The following CCDC61 variants were observed in gnomAD, a reference collection of about 807,000 sequenced individuals.
CCDC61 encodes centrosomal protein CCDC61.
Under a neutral mutation model 63.0 loss-of-function variants are expected in CCDC61, and 55 were observed. That is an observed-to-expected ratio of 0.87 (90% confidence interval 0.70 to 1.09). The LOEUF (loss-of-function observed/expected upper bound fraction) is 1.09. Ranked by LOEUF, CCDC61 falls within the 50% of genes least tolerant of loss-of-function variation. The probability of loss-of-function intolerance (pLI) is 0.00; values close to 1 mark genes in which losing one functional copy is unlikely to be tolerated. For missense variants in CCDC61, 651 were observed against 731.4 expected (o/e 0.89, Z 1.27); for synonymous variants, 270 against 317.0 (o/e 0.85, Z 1.58).
rs966362782 is a variant in CCDC61, at chr19:46,003,473, G to A, written c.203G>A (p.Cys68Tyr). 2 of 1,592,482 alleles carry A rather than the reference G, an allele frequency of 1.3e-6. No individual in the cohort carries two copies. Among genetic ancestry groups the A allele is most frequent in the African/African-American group, 2.7e-5 (2 of 74,148 alleles). Residue 68 changes from cysteine to tyrosine, a missense_variant, in exon 3 of 14, where the codon TGT (cysteine) becomes TAT (tyrosine). Physicochemically the swap from Cys to Tyr is radical, Grantham distance 194. Transcript: ENST00000595358. Reference sequence around the variant, plus strand: ...AACTTCAAACAGTTCAACATCTTCTGTCATATGCTGGAGTCAGCCCTCACT... The same window carrying A: ...AACTTCAAACAGTTCAACATCTTCTATCATATGCTGGAGTCAGCCCTCACT... ...TGNFKQFNIFCHMLESALTQS... is the reference protein window; with the variant it reads ...TGNFKQFNIFYHMLESALTQS...
Position 46,003,066 on chromosome 19 carries a change from G to A in CCDC61, c.48G>A (p.Val16=), listed in dbSNP as rs768794921. The A allele has an allele frequency of 3.6e-5, 57 of 1,602,966 alleles. No homozygotes were observed. The highest frequency in any genetic ancestry group is 4.7e-5 in the Non-Finnish European group (55 of 1,175,122). ...AGGTGGACTACGTCTTCCGGGGTGT[G>A]GAGCATGCCGTGCGGGTGATGGTTT... The part of the protein sequence containing the change: ...GLQVDYVFRG[V]EHAVRVMVSG... The change falls in exon 2 of 14, where the codon GTG becomes GTA. Residue 16 remains valine, a synonymous_variant. Transcript: ENST00000595358.
rs1000946379 is a variant in CCDC61 at position 46,003,480 on chromosome 19, G to C, written c.210G>C (p.Met70Ile). 15 of 1,613,180 alleles carry C rather than the reference G, an allele frequency of 9.3e-6. No homozygotes were observed. The highest frequency in any genetic ancestry group is 1.7e-5 in the Admixed American group (1 of 59,944). ...NFKQFNIFCH[M>I]LESALTQSSE... ...AACAGTTCAACATCTTCTGTCATATGCTGGAGTCAGCCCTCACTCAGGTAG... is the reference window on the plus strand; with the variant it reads ...AACAGTTCAACATCTTCTGTCATATCCTGGAGTCAGCCCTCACTCAGGTAG... The change falls in exon 3 of 14, where the codon ATG becomes ATC. Residue 70 changes from methionine (M) to isoleucine (I), a missense_variant. Physicochemically the swap from Met to Ile is conservative, Grantham distance 10. Coordinates refer to ENST00000595358, the MANE Select transcript of CCDC61 (RefSeq NM_001267723.2).
At position 46,003,151 on chromosome 19, in the gene CCDC61, G is replaced by A. The variant is rs770957740; in HGVS notation, c.133G>A (p.Glu45Lys). 1.1e-5 allele frequency: 17 copies of A among 1,609,198 alleles called. No homozygotes were observed. The Admixed American group carries it at 1.2e-4, about 11-fold the overall frequency. ...DRMTADQWRG[E>K]FDAGFIEDLT... ...GATGACGGCTGACCAGTGGCGGGGCGAGTTCGATGCTGGCTGTGAGTGTGC... is the reference window on the plus strand; with the variant it reads ...GATGACGGCTGACCAGTGGCGGGGCAAGTTCGATGCTGGCTGTGAGTGTGC... The change falls in exon 2 of 14, where the codon GAG (glutamate) becomes AAG (lysine). Residue 45 changes from glutamate (E) to lysine (K), a missense_variant. Physicochemically the swap from Glu to Lys is moderately conservative, Grantham distance 56. Transcript: ENST00000595358.
Position 46,016,889 on chromosome 19 carries a change from C to T in CCDC61, c.1231+56C>T. 3.6e-6 allele frequency: 1 copy of T among 279,736 alleles called. No homozygotes were observed. The highest frequency in any genetic ancestry group is 6.7e-6 in the Non-Finnish European group (1 of 149,712). The allele number at this position is 279,736 out of a possible 1,614,324, so 17.3% of individuals were successfully genotyped here. A position where few individuals can be genotyped will look rare whatever the true frequency, so the allele number is the denominator to read the frequency against. ...CTAGGCGGGACTGGGCGGGGCTGGG[C>T]GGGCTGGGAGGCACTGGGCAGGGCG... On this transcript the variant is annotated intron_variant, in intron 10 of 13. Coordinates refer to ENST00000595358, the MANE Select transcript of CCDC61 (RefSeq NM_001267723.2). The surrounding 1 kb of genome is among the most constrained non-coding windows in gnomAD (Gnocchi z 7.2).
In CCDC61 at chr19:46,017,997, C is replaced by G. The variant is rs943359417; in HGVS notation, c.1369-81C>G. The G allele has an allele frequency of 2.1e-5, 27 of 1,295,168 alleles. 1 individual carries two copies. Among genetic ancestry groups the G allele is most frequent in the Non-Finnish European group, 2.9e-5 (27 of 942,688 alleles). The allele number at this position is 1,295,168 out of a possible 1,614,324, so 80.2% of individuals were successfully genotyped here. ...CTTATTTTTCCCCAAGGTCCTTAGG[C>G]TCAGGATTTCCAGTGGGATTTAGGG... On this transcript the variant is annotated intron_variant, in intron 12 of 13. Coordinates refer to ENST00000595358, the MANE Select transcript of CCDC61 (RefSeq NM_001267723.2).
At position 46,007,813 on chromosome 19, in the gene CCDC61, T is replaced by C. The variant is rs117906925; in HGVS notation, c.390-327T>C. On this transcript the variant is annotated intron_variant, in intron 4 of 13. Coordinates refer to ENST00000595358, the MANE Select transcript of CCDC61 (RefSeq NM_001267723.2). ...AACCAGAATGCCCCGCTGTGGCATC[T>C]GAATTAGGATTGCGTTTGGCTGCAA... Among the ~76,000 whole-genome samples the C allele has an allele frequency of 9.3e-4, 141 of 152,304 alleles. 1 individual carries two copies. The East Asian group carries it at 0.024, about 26-fold the overall frequency.
intron 1 of CCDC61, among the ~76,000 whole-genome samples, chr19:46,002,712 C>T (rs531938657): frequency 3.3e-5 from 5 of 152,114 alleles, no homozygotes; most frequent in South Asian, 4.1e-4. Flanking sequence ...CCACCGCGCC[C>T]GGCTTGGCAA....
At chr19:46,008,092 T>C in intron 4 of CCDC61, 48 bp from the exon 5 acceptor site, 2 of 1,533,024 alleles carry the variant, frequency 1.3e-6, no homozygotes, top group Non-Finnish European at 1.8e-6. Flanking sequence ...TACCCTCAGG[T>C]GCATTCTTGG....
intron 5 of CCDC61, among the ~76,000 whole-genome samples, chr19:46,011,388 C>T (rs1382021743): frequency 6.6e-6 from 1 of 152,182 alleles, no homozygotes; most frequent in Admixed American, 6.5e-5. Flanking sequence ...ATATCCCCCT[C>T]TCCACTTTTC....
At chr19:46,006,897 C>A (rs1276353933) in intron 4 of CCDC61, among the ~76,000 whole-genome samples, 181 bp downstream of exon 4, 2 of 152,198 alleles carry the variant, frequency 1.3e-5, no homozygotes, top group African/African-American at 4.8e-5. Context: ...AGCAGAATAA[C>A]CATCACCAGT....
chr19:46,008,335 T>TGGGGGGGGGGGGG, intron 5 of CCDC61, 34 bp downstream of exon 5: 8 of 499,160 alleles, frequency 1.6e-5, no homozygotes, highest in East Asian at 6.0e-5. Flanking sequence ...CTGGGGCGGG[T>TGGGGGGGGGGGGG]GGGGGCCCTC....
In CCDC61 at chr19:46,015,776, G is replaced by A. The variant is rs79694564; in HGVS notation, c.846-278G>A. ...TTATGGGGTGGGTGGTGGAAAATTG[G>A]AAAGAGTTTCCGGGGAGTTGTGGAA... On this transcript the variant is annotated intron_variant, in intron 7 of 13. Coordinates refer to ENST00000595358, the MANE Select transcript of CCDC61 (RefSeq NM_001267723.2). The surrounding 1 kb of genome is among the most constrained non-coding windows in gnomAD (Gnocchi z 5.3). Among the ~76,000 whole-genome samples, 2,759 of 152,122 alleles carry A rather than the reference G, an allele frequency of 0.018. 91 individuals are homozygous for A. The highest frequency in any genetic ancestry group is 0.063 in the African/African-American group (2,622 of 41,476).
Position 46,016,836 on chromosome 19 carries a change from A to T in CCDC61, c.1231+3A>T. On this transcript the variant is annotated splice_donor_region_variant and intron_variant, in intron 10 of 13. Transcript: ENST00000595358. This position sits in a 1 kb window ranked among gnomAD's most constrained non-coding sequence, Gnocchi z 7.2. ...CTCCCGAAACCGCAGCTCCTCAGGT[A>T]ACTGGCCTGGAGCTGGGGGCTGCCG... is the stretch of plus-strand genomic sequence containing the variant. The T allele has an allele frequency of 6.6e-7, 1 of 1,514,092 alleles. No individual in the cohort carries two copies. The highest frequency in any genetic ancestry group is 1.3e-5 in the South Asian group (1 of 78,028). 93.8% of individuals were successfully genotyped at this position (1,514,092 alleles called of 1,614,324 possible). A position where few individuals can be genotyped will look rare whatever the true frequency, so the allele number is the denominator to read the frequency against.
intron 11 of CCDC61, 79 bp downstream of exon 11, chr19:46,017,148 G>T (rs1307278086): frequency 3.9e-6 from 6 of 1,541,518 alleles, no homozygotes; most frequent in East Asian, 2.4e-5. Flanking sequence ...CAGGGAAATT[G>T]GGTGATGGAG....
intron 4 of CCDC61, among the ~76,000 whole-genome samples, chr19:46,007,371 A>C (rs1241155023): frequency 6.6e-6 from 1 of 152,094 alleles, no homozygotes; most frequent in Non-Finnish European, 1.5e-5. Context: ...CTTCATCTTT[A>C]TCTCTTCATG....
chr19:46,006,469 C>T (rs1043348913), intron 3 of CCDC61, 90 bp from the exon 4 acceptor site: 31 of 1,297,336 alleles, frequency 2.4e-5, no homozygotes, highest in Middle Eastern at 2.1e-4. Flanking sequence ...GCCTAGAGAA[C>T]GGGAAGGGCT....
intron 2 of CCDC61, 81 bp downstream of exon 2, chr19:46,003,247 C>T: frequency 6.7e-7 from 1 of 1,486,856 alleles, no homozygotes. Flanking sequence ...ACCCTGAATC[C>T]TGCCCACCTG....
At chr19:46,009,184 C>G (rs1337675865) in intron 5 of CCDC61, among the ~76,000 whole-genome samples, 3 of 151,934 alleles carry the variant, frequency 2.0e-5, no homozygotes, top group Non-Finnish European at 4.4e-5. Flanking sequence ...ACAGCCTGGG[C>G]AAAGTCCTTG....
Position 46,016,178 on chromosome 19 carries a change from A to C in CCDC61, c.970A>C (p.Ser324Arg). ...CTCATCCCGGGAGAGCGGCCGCGGGAGCCGGGGTCGGGGCCGCCCTGCGCG... is the reference window on the plus strand; with the variant it reads ...CTCATCCCGGGAGAGCGGCCGCGGGCGCCGGGGTCGGGGCCGCCCTGCGCG... ...RSSSRESGRG[S>R]RGRGRPARPS... is the part of the protein sequence containing the mutation. The change falls in exon 8 of 14, where the codon AGC becomes CGC. Residue 324 changes from serine to arginine, a missense_variant. Physicochemically the swap from Ser to Arg is moderately radical, Grantham distance 110. Coordinates refer to ENST00000595358, the MANE Select transcript of CCDC61 (RefSeq NM_001267723.2). This position sits in a 1 kb window ranked among gnomAD's most constrained non-coding sequence, Gnocchi z 7.2. 2.3e-6 allele frequency: 3 copies of C among 1,307,834 alleles called. No homozygotes were observed. The highest frequency in any genetic ancestry group is 2.9e-6 in the Non-Finnish European group (3 of 1,030,122). The allele number at this position is 1,307,834 out of a possible 1,614,324, so 81.0% of individuals were successfully genotyped here.
Sources: gnomAD v4.1 joint callset for allele counts (sites outside exome capture counted in the v4.1 genomes callset) on GRCh38, gnomAD v4.1.1 for gene constraint, Gnocchi (gnomAD v3.1) non-coding constraint, MANE v1.5 for transcripts, NCBI Gene and HGNC (gene_info 2026-07-23, HGNC 2026-07-21) for gene names.